XPO4: variants seen among roughly 807,000 people sequenced by gnomAD.
XPO4 encodes exportin-4.
In XPO4, 39 loss-of-function variants were observed where a neutral mutation model predicts 143.0. The observed-to-expected ratio is 0.27, with a 90% CI of 0.21 to 0.36. XPO4 has a LOEUF of 0.36. Ranked by LOEUF, XPO4 falls within the 10% of genes least tolerant of loss-of-function variation. XPO4 has a pLI of 1.00. For synonymous variants in XPO4, 439 were observed against 474.0 expected (o/e 0.93, Z 0.96); for missense variants, 907 against 1,348.0 (o/e 0.67, Z 5.12).
At chr13:20,895,212 A>T (rs980760952) in intron 1 of XPO4, among the ~76,000 whole-genome samples, 4 of 152,178 alleles carry the variant, frequency 2.6e-5, no homozygotes, top group Non-Finnish European at 5.9e-5. Context: ...GCAACATTCA[A>T]ATTTACTAAA....
chr13:20,898,546 GAGTA>G (rs1326717885), intron 1 of XPO4, among the ~76,000 whole-genome samples: 2 of 151,696 alleles, frequency 1.3e-5, no homozygotes, highest in African/African-American at 4.8e-5. Flanking sequence ...GCCTGGGCAA[GAGTA>G]AGACTGTCTC....
At chr13:20,800,472 G>C in intron 14 of XPO4, 147 bp from the exon 15 acceptor site, 5 of 747,648 alleles carry the variant, frequency 6.7e-6, no homozygotes, top group Non-Finnish European at 1.0e-5. Flanking sequence ...ATTTCCACTG[G>C]TCAAAAAAAA....
rs769088501 is a variant in XPO4 at position 20,855,671 on chromosome 13, A to C, written c.412T>G (p.Phe138Val). ...CTAATCAACTGGCTGACTTCATGAA[A>C]AATGCTTTTGCAGTCAATTGATTTA... The part of the protein sequence containing the change: ...LDKSIDCKSI[F>V]HEVSQLISSG... Residue 138 changes from phenylalanine to valine, a missense_variant, in exon 4 of 23, where the codon TTT becomes GTT. Coordinates refer to ENST00000255305, the MANE Select transcript of XPO4 (RefSeq NM_022459.5). 2 of 1,612,386 alleles carry C rather than the reference A, an allele frequency of 1.2e-6. No individual in the cohort carries two copies. The highest frequency in any genetic ancestry group is 1.7e-6 in the Non-Finnish European group (2 of 1,179,674).
At chr13:20,882,341 C>G (rs1217135104) in intron 1 of XPO4, among the ~76,000 whole-genome samples, 1 of 152,002 alleles carries the variant, frequency 6.6e-6, no homozygotes, top group African/African-American at 2.4e-5. Context: ...TCTGGTGAGA[C>G]CAAGAGCTTT....
chr13:20,852,057 C>T (rs1022736932), intron 4 of XPO4: 43 of 985,370 alleles, frequency 4.4e-5, no homozygotes, highest in East Asian at 1.1e-4. Context: ...CCTTCGCCTG[C>T]GCCGTCCCAG....
chr13:20,827,058 A>G lies in XPO4; in HGVS notation c.840+9T>C, dbSNP rs201452439. On this transcript the variant is annotated intron_variant, in intron 7 of 22. Coordinates refer to ENST00000255305, the MANE Select transcript of XPO4 (RefSeq NM_022459.5). The stretch of plus-strand genomic sequence containing the variant: ...GCTCTTGCTACCAGAGATGAAGACT[A>G]AAACTTACTGTGAAGAAAAGCTCCA... 2.0e-3 allele frequency: 3,181 copies of G among 1,599,584 alleles called. 4 individuals are homozygous for G. Among genetic ancestry groups the G allele is most frequent in the Non-Finnish European group, 2.5e-3 (2,871 of 1,166,806 alleles).
intron 6 of XPO4, among the ~76,000 whole-genome samples, chr13:20,837,162 G>A (rs1336928921): frequency 6.6e-6 from 1 of 152,090 alleles, no homozygotes. Flanking sequence ...AAGTTTTTGT[G>A]TGGATGACTA....
At chr13:20,811,229 TTTC>T (rs1339307192) in intron 9 of XPO4, among the ~76,000 whole-genome samples, 1 of 151,976 alleles carries the variant, frequency 6.6e-6, no homozygotes, top group Non-Finnish European at 1.5e-5. Flanking sequence ...GACACTAGGT[TTTC>T]TTCTAATTGC....
At chr13:20,843,210 G>A (rs558828363) in intron 5 of XPO4, among the ~76,000 whole-genome samples, 162 bp from the exon 6 acceptor site, 8 of 152,196 alleles carry the variant, frequency 5.3e-5, no homozygotes, top group South Asian at 2.1e-4. Flanking sequence ...AATTTACATC[G>A]CAGTATGCTT....
intron 4 of XPO4, chr13:20,849,547 A>G (rs1008501690): frequency 2.0e-6 from 2 of 985,346 alleles, no homozygotes. Context: ...TAGTACTGAC[A>G]GCAGGTCTGA....
chr13:20,813,385 G>T (rs1482439753), intron 9 of XPO4, among the ~76,000 whole-genome samples: 1 of 152,036 alleles, frequency 6.6e-6, no homozygotes, highest in African/African-American at 2.4e-5. Flanking sequence ...ATGGGCAAGG[G>T]ACACAAACAA....
Position 20,803,942 on chromosome 13 carries a change from A to G in XPO4, c.1818-2952T>C, listed in dbSNP as rs2059468560. Reference sequence around the variant, plus strand: ...AGGGAACAAATTAATAAGATTTACTAAACAGACCCAGACTTGGGAGTGTCC... The same window carrying G: ...AGGGAACAAATTAATAAGATTTACTGAACAGACCCAGACTTGGGAGTGTCC... On this transcript the variant is annotated intron_variant, in intron 13 of 22. Transcript: ENST00000255305. This position sits in a 1 kb window ranked among gnomAD's most constrained non-coding sequence, Gnocchi z 4.1. Among the ~76,000 whole-genome samples the G allele has an allele frequency of 6.6e-6, 1 of 152,168 alleles. No individual in the cohort carries two copies. The highest frequency in any genetic ancestry group is 2.1e-4 in the South Asian group (1 of 4,830).
intron 1 of XPO4, among the ~76,000 whole-genome samples, chr13:20,881,050 A>G (rs1354735786): frequency 1.3e-5 from 2 of 152,196 alleles, no homozygotes; most frequent in African/African-American, 4.8e-5. Flanking sequence ...CCCAGACACA[A>G]AAGGACAAAT....
At chr13:20,804,784 G>C (rs1178822451) in intron 13 of XPO4, among the ~76,000 whole-genome samples, 2 of 152,014 alleles carry the variant, frequency 1.3e-5, no homozygotes, top group Admixed American at 1.3e-4. Context: ...GATTACATTT[G>C]TATGTCATAA....
At chr13:20,808,983 G>T in intron 11 of XPO4, 100 bp downstream of exon 11, 2 of 1,309,820 alleles carry the variant, frequency 1.5e-6, no homozygotes, top group Non-Finnish European at 2.1e-6. Flanking sequence ...GCTGGGACAC[G>T]GGGTGGGGGT....
At chr13:20,852,464 C>A in intron 4 of XPO4, 1 of 985,348 alleles carries the variant, frequency 1.0e-6, no homozygotes, top group Non-Finnish European at 1.2e-6. Context: ...ATGCACATGG[C>A]CATTAGTTTG....
At chr13:20,861,777 C>CTCTTTTTTTTTTTTTTTTTTTTT (rs1370810623) in intron 3 of XPO4, among the ~76,000 whole-genome samples, 1 of 73,394 alleles carries the variant, frequency 1.4e-5, no homozygotes, top group African/African-American at 4.8e-5. Context: ...ACATTTCTCT[C>CTCTTTTTTTTTTTTTTTTTTTTT]TTTTTTTTTT....
intron 7 of XPO4, 65 bp from the exon 8 acceptor site, chr13:20,822,354 A>G: frequency 1.4e-6 from 2 of 1,407,804 alleles, no homozygotes; most frequent in Non-Finnish European, 9.5e-7. Context: ...CGTGTCTACC[A>G]TGCCGAATGA....
chr13:20,820,903 C>T (rs559461298), intron 9 of XPO4, among the ~76,000 whole-genome samples: 3 of 152,298 alleles, frequency 2.0e-5, no homozygotes, highest in Non-Finnish European at 4.4e-5. Flanking sequence ...TCTTTTTCCT[C>T]TTACAGCCTT....
Sources: gnomAD v4.1 joint callset for allele counts (sites outside exome capture counted in the v4.1 genomes callset) on GRCh38, gnomAD v4.1.1 for gene constraint, Gnocchi (gnomAD v3.1) non-coding constraint, MANE v1.5 for transcripts, NCBI Gene and HGNC (gene_info 2026-07-23, HGNC 2026-07-21) for gene names.